The following SATB1 variants were observed in gnomAD, a reference collection of about 807,000 sequenced individuals.
The protein encoded by SATB1 is SATB homeobox 1.
In SATB1, 11 loss-of-function variants were observed where a neutral mutation model predicts 86.9. The observed-to-expected ratio is 0.13, with a 90% confidence interval of 0.08 to 0.21. The LOEUF is 0.21. Among genes scored for constraint, SATB1 ranks in the 10% least tolerant of loss-of-function variants. The pLI, the probability that SATB1 is intolerant of heterozygous loss-of-function variation, is 1.00. For missense variants in SATB1, 551 were observed against 937.6 expected, an observed-to-expected ratio of 0.59 and a Z score of 5.39; for synonymous variants, 357 against 357.2, an observed-to-expected ratio of 1.00 and a Z score of 0.01.
chr3:18,411,912 C>G (rs1456330854), intron 5 of SATB1, among the ~76,000 whole-genome samples: 1 of 152,024 alleles, frequency 6.6e-6, no homozygotes, highest in Non-Finnish European at 1.5e-5. Context: ...TATGGAATTT[C>G]TGCAGCTGAA....
intron 5 of SATB1, among the ~76,000 whole-genome samples, chr3:18,404,243 T>C (rs927731685): frequency 1.3e-5 from 2 of 152,082 alleles, no homozygotes; most frequent in African/African-American, 4.8e-5. Context: ...CAATATTCTG[T>C]TTGTGCTTGT....
At chr3:18,417,195 G>T in intron 2 of SATB1, 117 bp from the exon 3 acceptor site, 1 of 1,003,554 alleles carries the variant, frequency 1.0e-6, no homozygotes, top group Non-Finnish European at 1.5e-6. Context: ...GATTCACTGT[G>T]CTTCCAAGGC....
chr3:18,410,448 T>C (rs1001760580), intron 5 of SATB1, among the ~76,000 whole-genome samples: 2 of 152,044 alleles, frequency 1.3e-5, no homozygotes, highest in African/African-American at 2.4e-5. Flanking sequence ...CGCTCACTCA[T>C]GTCAACATTC....
At chr3:18,419,439 C>A (rs928337749) in intron 2 of SATB1, among the ~76,000 whole-genome samples, 4 of 152,140 alleles carry the variant, frequency 2.6e-5, no homozygotes, top group African/African-American at 9.7e-5. Context: ...GTAAACAGCA[C>A]GTCTGCCATA....
intron 9 of SATB1, among the ~76,000 whole-genome samples, chr3:18,377,901 T>A (rs530025504): frequency 6.6e-6 from 1 of 152,178 alleles, no homozygotes; most frequent in South Asian, 2.1e-4. Context: ...AAACTGACTA[T>A]CCATTATGAT....
chr3:18,392,113 C>G (rs1559427701), intron 7 of SATB1, among the ~76,000 whole-genome samples: 2 of 151,996 alleles, frequency 1.3e-5, no homozygotes, highest in African/African-American at 4.8e-5. Context: ...TTGGTAATGA[C>G]TTTTTTTCCT....
At chr3:18,445,338 A>T (rs2125218062) in intron 1 of SATB1, 1 of 980,694 alleles carries the variant, frequency 1.0e-6, no homozygotes, top group Non-Finnish European at 1.2e-6. Flanking sequence ...GCTCCCTCCC[A>T]GCGCGCCGGC....
chr3:18,354,898 A>C (rs1040973842), intron 9 of SATB1, among the ~76,000 whole-genome samples: 1 of 152,130 alleles, frequency 6.6e-6, no homozygotes, highest in Non-Finnish European at 1.5e-5. Context: ...GTGTCTCTAG[A>C]CTTACGAGAC....
At chr3:18,357,302 G>C (rs1487434446) in intron 9 of SATB1, among the ~76,000 whole-genome samples, 1 of 151,792 alleles carries the variant, frequency 6.6e-6, no homozygotes, top group Non-Finnish European at 1.5e-5. Context: ...ATTTCAGCAA[G>C]TAGTAGGAAC....
upstream of SATB1, among the ~76,000 whole-genome samples, chr3:18,443,023 A>T (rs1009771387): frequency 1.6e-4 from 24 of 152,206 alleles, no homozygotes; most frequent in African/African-American, 5.8e-4. This position sits in a 1 kb window ranked among gnomAD's most constrained non-coding sequence, Gnocchi z 4.4. Context: ...TTTTCTTCAG[A>T]CTTAAAGTAT....
intron 1 of SATB1, chr3:18,445,031 C>T (rs1283650081): frequency 1.5e-5 from 3 of 202,442 alleles, no homozygotes; most frequent in African/African-American, 2.4e-5. Flanking sequence ...GCGGCCGGGG[C>T]GTCCCCCGCG....
At chr3:18,380,081 G>A (rs916387939) in intron 8 of SATB1, among the ~76,000 whole-genome samples, 26 of 152,176 alleles carry the variant, frequency 1.7e-4, no homozygotes, top group African/African-American at 5.8e-4. Context: ...CTTTGCTCTG[G>A]GGTGGTCTTG....
intron 10 of SATB1, chr3:18,351,707 A>T (rs921068861): frequency 5.8e-6 from 3 of 518,020 alleles, no homozygotes; most frequent in African/African-American, 5.7e-5. Context: ...TAAGCTCTTA[A>T]CACAAAACCC....
chr3:18,384,019 C>A (rs1696193228), intron 8 of SATB1, among the ~76,000 whole-genome samples: 2 of 151,986 alleles, frequency 1.3e-5, no homozygotes, highest in South Asian at 4.1e-4. Context: ...AGTAATACTG[C>A]AGTAATAGAA....
At chr3:18,389,026 G>A (rs765484563) in intron 7 of SATB1, among the ~76,000 whole-genome samples, 1 of 152,046 alleles carries the variant, frequency 6.6e-6, no homozygotes, top group Non-Finnish European at 1.5e-5. Flanking sequence ...TCACTTGGGA[G>A]AAAATTTTAA....
intron 9 of SATB1, chr3:18,353,070 T>C (rs1041355954): frequency 6.6e-6 from 1 of 152,204 alleles, no homozygotes; most frequent in Non-Finnish European, 1.5e-5. Context: ...AGTAAGGGTG[T>C]CTGATCCAGA....
In SATB1 at chr3:18,352,305, G is replaced by T; in HGVS notation, c.1576-110C>A. ...ATGAATTAACTTTTTCATAAGCTCA[G>T]AACACACCATTCTGCTTTAAAAATT... On this transcript the variant is annotated intron_variant, in intron 9 of 10. Coordinates refer to ENST00000338745, the MANE Select transcript of SATB1 (RefSeq NM_002971.6). The surrounding 1 kb of genome is among the most constrained non-coding windows in gnomAD (Gnocchi z 4.1). 5.9e-6 allele frequency: 5 copies of T among 852,566 alleles called. No individual in the cohort carries two copies. The highest frequency in any genetic ancestry group is 5.5e-6 in the Non-Finnish European group (3 of 540,842). The allele number at this position is 852,566 out of a possible 1,614,324, so 52.8% of individuals were successfully genotyped here. A position where few individuals can be genotyped will look rare whatever the true frequency, so the allele number is the denominator to read the frequency against.
intron 9 of SATB1, among the ~76,000 whole-genome samples, chr3:18,377,913 T>C (rs1019203426): frequency 6.6e-6 from 1 of 152,202 alleles, no homozygotes; most frequent in Non-Finnish European, 1.5e-5. Flanking sequence ...CATTATGATA[T>C]CCTTCTCAAA....
intron 9 of SATB1, among the ~76,000 whole-genome samples, chr3:18,374,899 T>C (rs1048382114): frequency 2.6e-5 from 4 of 152,208 alleles, no homozygotes; most frequent in Admixed American, 1.3e-4. Context: ...CTCTTTTGCA[T>C]ACATTGTAGC....
Sources: gnomAD v4.1 joint callset for allele counts (sites outside exome capture counted in the v4.1 genomes callset) on GRCh38, gnomAD v4.1.1 for gene constraint, Gnocchi (gnomAD v3.1) non-coding constraint, MANE v1.5 for transcripts, NCBI Gene and HGNC (gene_info 2026-07-23, HGNC 2026-07-21) for gene names.